The following C10orf90 variants were observed in gnomAD, a reference collection of about 807,000 sequenced individuals.
C10orf90 encodes the protein chromosome 10 open reading frame 90.
C10orf90 carries 56 observed loss-of-function variants against 62.5 expected under a neutral mutation model. That is an observed-to-expected ratio of 0.90 (90% CI 0.72 to 1.12). The LOEUF is 1.12. C10orf90 is among the 50% of genes most tolerant of loss of function. The pLI, the probability that C10orf90 is intolerant of heterozygous loss-of-function variation, is 0.00. For synonymous variants in C10orf90, 386 were observed against 340.4 expected (o/e 1.13, Z -1.47); for missense variants, 970 against 880.4 (o/e 1.10, Z -1.29).
chr10:126,616,332 A>C (rs1485749349), intron 2 of C10orf90, among the ~76,000 whole-genome samples: 1 of 152,192 alleles, frequency 6.6e-6, no homozygotes, highest in Non-Finnish European at 1.5e-5. Flanking sequence ...TAGCTGTCCT[A>C]GGAGAAAGGT....
chr10:126,650,638 G>A (rs759275461), intron 1 of C10orf90, among the ~76,000 whole-genome samples: 22 of 152,152 alleles, frequency 1.4e-4, no homozygotes, highest in East Asian at 3.8e-4. Flanking sequence ...ATCAAGTACC[G>A]TAAGAAAATC....
intron 4 of C10orf90, among the ~76,000 whole-genome samples, chr10:126,481,771 C>G (rs1360129452): frequency 6.6e-6 from 1 of 152,164 alleles, no homozygotes; most frequent in Non-Finnish European, 1.5e-5. Flanking sequence ...AACTAGAATG[C>G]CTTGTTCCAA....
intron 3 of C10orf90, among the ~76,000 whole-genome samples, chr10:126,512,386 CTGTGTGTGTGTGTGTGTCT>C (rs1564847118): frequency 7.5e-5 from 1 of 13,368 alleles, no homozygotes; most frequent in Non-Finnish European, 3.0e-4. Context: ...GTGTGTGTGT[CTGTGTGTGTGTGTGTGTCT>C]GTGTGTCTGT....
At chr10:126,496,845 C>A (rs1227319105) in intron 4 of C10orf90, 1 of 347,098 alleles carries the variant, frequency 2.9e-6, no homozygotes, top group Admixed American at 6.5e-5. Flanking sequence ...TCGAGGGCAC[C>A]CACTCTGTGA....
At chr10:126,668,740 T>A (rs1309356212) in intron 1 of C10orf90, among the ~76,000 whole-genome samples, 2 of 152,028 alleles carry the variant, frequency 1.3e-5, no homozygotes, top group East Asian at 1.9e-4. Context: ...TCAGACTGAT[T>A]GTGGGTGGGG....
chr10:126,555,109 C>T (rs1467945051), intron 2 of C10orf90, among the ~76,000 whole-genome samples: 5 of 152,154 alleles, frequency 3.3e-5, no homozygotes, highest in Non-Finnish European at 5.9e-5. Flanking sequence ...AGGACTCCAC[C>T]TTACAATCAG....
intron 2 of C10orf90, among the ~76,000 whole-genome samples, chr10:126,556,773 G>A (rs1346848253): frequency 6.6e-6 from 1 of 151,958 alleles, no homozygotes; most frequent in African/African-American, 2.4e-5. Flanking sequence ...CTGTTTTGTG[G>A]TCTCTGAAAA....
intron 2 of C10orf90, among the ~76,000 whole-genome samples, chr10:126,606,924 C>G (rs78457038): frequency 0.045 from 6,797 of 152,200 alleles, 468 homozygotes; most frequent in African/African-American, 0.15. Flanking sequence ...GACCCATAAG[C>G]CTTAAAGAGA....
intron 2 of C10orf90, among the ~76,000 whole-genome samples, chr10:126,547,179 G>A (rs1864514340): frequency 6.6e-6 from 1 of 152,012 alleles, no homozygotes; most frequent in South Asian, 2.1e-4. Flanking sequence ...CAGCACTTTG[G>A]GAGGCCGAGG....
chr10:126,658,384 G>A (rs1846439092), intron 1 of C10orf90, among the ~76,000 whole-genome samples: 1 of 152,222 alleles, frequency 6.6e-6, no homozygotes, highest in Non-Finnish European at 1.5e-5. Flanking sequence ...CCAAAGGGCA[G>A]AGAATATTGG....
chr10:126,666,409 T>C (rs952331695), intron 1 of C10orf90, among the ~76,000 whole-genome samples: 7 of 152,132 alleles, frequency 4.6e-5, no homozygotes, highest in African/African-American at 1.7e-4. Context: ...TAAAATTACC[T>C]AGTGTGCAAA....
intron 4 of C10orf90, among the ~76,000 whole-genome samples, chr10:126,485,960 A>C (rs1052332158): frequency 3.3e-5 from 5 of 151,760 alleles, no homozygotes; most frequent in African/African-American, 4.9e-5. Context: ...AAAAAAAAAA[A>C]ACCTTAGAAA....
intron 3 of C10orf90, among the ~76,000 whole-genome samples, chr10:126,508,156 AGT>A (rs1862870593): frequency 8.4e-6 from 1 of 118,630 alleles, no homozygotes; most frequent in Non-Finnish European, 1.7e-5. Flanking sequence ...TGAATGAGTG[AGT>A]GAGAGAGAGA....
At chr10:126,621,673 A>G (rs541876532) in intron 2 of C10orf90, among the ~76,000 whole-genome samples, 9 of 152,300 alleles carry the variant, frequency 5.9e-5, no homozygotes, top group African/African-American at 1.9e-4. Flanking sequence ...CATGAATAAG[A>G]ATCCCCAATT....
At chr10:126,610,320 C>T (rs542515038) in intron 2 of C10orf90, among the ~76,000 whole-genome samples, 56 of 152,340 alleles carry the variant, frequency 3.7e-4, no homozygotes, top group African/African-American at 1.3e-3. Flanking sequence ...TCCTCCTGAC[C>T]CTCTACCGTC....
intron 2 of C10orf90, among the ~76,000 whole-genome samples, chr10:126,636,812 C>T (rs909399334): frequency 6.6e-6 from 1 of 152,130 alleles, no homozygotes; most frequent in African/African-American, 2.4e-5. Context: ...AACACTTTAG[C>T]TCATAACCAA....
intron 2 of C10orf90, among the ~76,000 whole-genome samples, chr10:126,550,573 G>A (rs7915026): frequency 0.015 from 2,235 of 151,956 alleles, 51 homozygotes; most frequent in African/African-American, 0.051. Context: ...GCAGTGACAC[G>A]ATCTCAGCTC....
intron 2 of C10orf90, among the ~76,000 whole-genome samples, chr10:126,516,955 G>A (rs146911834): frequency 3.2e-4 from 49 of 152,144 alleles, no homozygotes; most frequent in Middle Eastern, 6.8e-3. Flanking sequence ...CCTCCCTCTT[G>A]TAAGGACCCT....
At chr10:126,540,981 A>G (rs10751561) in intron 2 of C10orf90, among the ~76,000 whole-genome samples, 99,469 of 152,098 alleles carry the variant, frequency 0.65, 33,522 homozygotes, top group African/African-American at 0.82. Context: ...ATGCATTTAA[A>G]GTATAAATAT....
Sources: allele counts gnomAD v4.1 joint callset (sites outside exome capture counted in the v4.1 genomes callset), GRCh38; gene constraint gnomAD v4.1.1; transcripts MANE v1.5; gene names NCBI Gene and HGNC (gene_info 2026-07-23, HGNC 2026-07-21).